Variants in SENP7 observed in about 807,000 individuals in gnomAD.
SENP7 encodes SUMO specific peptidase 7.
Under a neutral mutation model 141.2 loss-of-function variants are expected in SENP7, and 64 were observed. That is an observed-to-expected ratio of 0.45 (90% CI 0.37 to 0.56). The LOEUF is 0.56. Among genes scored for constraint, SENP7 ranks in the 20% least tolerant of loss-of-function variants. The probability of loss-of-function intolerance (pLI) is 0.00; values close to 1 mark genes in which losing one functional copy is unlikely to be tolerated. For synonymous variants in SENP7, 382 were observed against 426.4 expected (o/e 0.90, Z 1.28); for missense variants, 1,025 against 1,212.2 (o/e 0.85, Z 2.29).
intron 3 of SENP7, among the ~76,000 whole-genome samples, chr3:101,488,980 A>G (rs954790344): frequency 6.6e-6 from 1 of 152,204 alleles, no homozygotes; most frequent in Non-Finnish European, 1.5e-5. Flanking sequence ...AAACCTTGCA[A>G]ACCAGAAGAG....
At chr3:101,508,347 A>T (rs2065712164) in intron 1 of SENP7, among the ~76,000 whole-genome samples, 2 of 152,160 alleles carry the variant, frequency 1.3e-5, no homozygotes, top group African/African-American at 4.8e-5. Flanking sequence ...CTGTAATCCC[A>T]GCACTTTGGG....
intron 4 of SENP7, among the ~76,000 whole-genome samples, chr3:101,427,355 T>C (rs1172184588): frequency 6.6e-6 from 1 of 151,866 alleles, no homozygotes; most frequent in Admixed American, 6.6e-5. Context: ...CCGGGAGTGG[T>C]GGTGCACACC....
chr3:101,455,117 CT>C (rs768309379), intron 4 of SENP7, among the ~76,000 whole-genome samples: 5 of 152,210 alleles, frequency 3.3e-5, no homozygotes, highest in Admixed American at 6.5e-5. Context: ...CATATGGAAA[CT>C]TTCCCCCTCC....
intron 3 of SENP7, among the ~76,000 whole-genome samples, chr3:101,488,640 G>A (rs879760085): frequency 9.9e-5 from 15 of 152,146 alleles, no homozygotes; most frequent in Non-Finnish European, 1.9e-4. Flanking sequence ...TCAGAAGTTC[G>A]AGACCAGCCT....
intron 4 of SENP7, among the ~76,000 whole-genome samples, chr3:101,440,954 G>T (rs943051411): frequency 2.0e-5 from 3 of 152,080 alleles, no homozygotes; most frequent in African/African-American, 7.2e-5. Flanking sequence ...TATTTTGAAA[G>T]CCGCTACCAA....
chr3:101,482,385 A>G (rs544825289), intron 3 of SENP7, among the ~76,000 whole-genome samples: 7 of 152,316 alleles, frequency 4.6e-5, no homozygotes, highest in African/African-American at 1.7e-4. Flanking sequence ...TGTATGAGGA[A>G]AGCTACAAAA....
intron 5 of SENP7, among the ~76,000 whole-genome samples, chr3:101,409,137 G>T (rs2061385892): frequency 6.6e-6 from 1 of 152,060 alleles, no homozygotes; most frequent in Non-Finnish European, 1.5e-5. Context: ...TACACCAACA[G>T]CGACCAAGCA....
chr3:101,324,768 A>T lies in SENP7; in HGVS notation c.*1175T>A, dbSNP rs1199483288. ...TAAAACAGATTAAAATAATATTGTT[A>T]AAAAACATTTTTCTTATCTGAGAAA... On this transcript the variant is annotated 3_prime_UTR_variant, in exon 24 of 24. Transcript: ENST00000394095. The T allele has an allele frequency of 6.6e-6, 1 of 152,070 alleles. No homozygotes were observed. Among genetic ancestry groups the T allele is most frequent in the Non-Finnish European group, 1.5e-5 (1 of 67,950 alleles). The allele number at this position is 152,070 out of a possible 1,614,324, so 9.4% of individuals were successfully genotyped here.
At chr3:101,383,385 G>T (rs1469678523) in intron 6 of SENP7, among the ~76,000 whole-genome samples, 7 of 152,208 alleles carry the variant, frequency 4.6e-5, no homozygotes, top group African/African-American at 9.6e-5. Flanking sequence ...CACAGAGCTG[G>T]TGGGAGCTGG....
intron 3 of SENP7, among the ~76,000 whole-genome samples, chr3:101,492,047 G>A (rs1307485037): frequency 6.6e-5 from 10 of 151,940 alleles, no homozygotes; most frequent in Non-Finnish European, 1.2e-4. Context: ...AGCCGAGATC[G>A]CGACATTGCA....
intron 6 of SENP7, among the ~76,000 whole-genome samples, chr3:101,374,139 G>A (rs527704999): frequency 6.6e-6 from 1 of 152,156 alleles, no homozygotes; most frequent in South Asian, 2.1e-4. Flanking sequence ...ACAGAACCCA[G>A]GAACAAACTT....
intron 3 of SENP7, among the ~76,000 whole-genome samples, chr3:101,464,811 G>A (rs991330268): frequency 3.3e-5 from 5 of 152,018 alleles, no homozygotes; most frequent in African/African-American, 7.2e-5. Context: ...TGCCAAAAAG[G>A]TTGGGGACCG....
chr3:101,331,400 T>G (rs1576801661), intron 19 of SENP7, among the ~76,000 whole-genome samples: 1 of 151,762 alleles, frequency 6.6e-6, no homozygotes, highest in Admixed American at 6.6e-5. Flanking sequence ...GGAGGATTAC[T>G]TGAGCCCAGG....
In SENP7 at chr3:101,328,557, C is replaced by A. The variant is rs1476743760; in HGVS notation, c.2796-11G>T. On this transcript the variant is annotated splice_polypyrimidine_tract_variant and intron_variant, in intron 21 of 23. Transcript: ENST00000394095. Reference sequence around the variant, plus strand: ...ATAAGAATACATGGCCTATGAAAAGCAAAGGACAAAATCAAGATTTACATA... The same window carrying A: ...ATAAGAATACATGGCCTATGAAAAGAAAAGGACAAAATCAAGATTTACATA... The A allele has an allele frequency of 6.2e-7, 1 of 1,611,372 alleles. No individual in the cohort carries two copies. Among genetic ancestry groups the A allele is most frequent in the East Asian group, 2.2e-5 (1 of 44,682 alleles).
At position 101,381,515 on chromosome 3, in the gene SENP7, T is replaced by C. The variant is rs562390843; in HGVS notation, c.678-9389A>G. On this transcript the variant is annotated intron_variant, in intron 6 of 23. Coordinates refer to ENST00000394095, the MANE Select transcript of SENP7 (RefSeq NM_020654.5). ...TTATTGAGGAATGGATTATGGGTAA[T>C]ATCAATTTCATACTTTTCTATATAT... Among the ~76,000 whole-genome samples, 179 of 152,242 alleles carry C rather than the reference T, an allele frequency of 1.2e-3. 3 individuals carry two copies. Among genetic ancestry groups the C allele is most frequent in the African/African-American group, 3.9e-3 (161 of 41,570 alleles).
intron 5 of SENP7, among the ~76,000 whole-genome samples, chr3:101,406,883 C>T (rs1409244378): frequency 6.6e-6 from 1 of 152,108 alleles, no homozygotes; most frequent in Non-Finnish European, 1.5e-5. Flanking sequence ...CAGCAAAAAC[C>T]CTACAAGCTA....
At chr3:101,446,036 G>T (rs1343736923) in intron 4 of SENP7, among the ~76,000 whole-genome samples, 3 of 152,130 alleles carry the variant, frequency 2.0e-5, no homozygotes, top group African/African-American at 4.8e-5. Context: ...GGGCCTTATG[G>T]GAGGTGATTG....
intron 12 of SENP7, among the ~76,000 whole-genome samples, chr3:101,349,213 T>C (rs1288920330): frequency 6.6e-6 from 1 of 152,172 alleles, no homozygotes; most frequent in East Asian, 1.9e-4. Flanking sequence ...ACTGTAACTC[T>C]TCCATTCTGA....
intron 6 of SENP7, among the ~76,000 whole-genome samples, chr3:101,381,610 G>A (rs2060504800): frequency 6.6e-6 from 1 of 151,870 alleles, no homozygotes; most frequent in African/African-American, 2.4e-5. Flanking sequence ...ATTACATATA[G>A]ATAATAATGA....
Sources: allele counts gnomAD v4.1 joint callset (sites outside exome capture counted in the v4.1 genomes callset), GRCh38; gene constraint gnomAD v4.1.1; transcripts MANE v1.5; gene names NCBI Gene and HGNC (gene_info 2026-07-23, HGNC 2026-07-21).